Variants in CASP2 observed in about 807,000 individuals in gnomAD.
The protein encoded by CASP2 is caspase 2, also known as caspase-2.
CASP2 carries 38 observed loss-of-function variants against 54.4 expected under a neutral mutation model. The observed-to-expected ratio is 0.70, with a 90% CI of 0.54 to 0.92. The LOEUF (loss-of-function observed/expected upper bound fraction) is 0.92, where lower values mean the gene tolerates loss of function less well. Ranked by LOEUF, CASP2 falls within the 40% of genes least tolerant of loss-of-function variation. The pLI is 0.00. For missense variants in CASP2, 512 were observed against 579.6 expected (o/e 0.88, Z 1.20); for synonymous variants, 215 against 216.3 (o/e 0.99, Z 0.05).
Position 143,292,651 on chromosome 7 carries a change from C to T in CASP2, c.428C>T (p.Pro143Leu), listed in dbSNP as rs748806751. The change falls in exon 4 of 11, where the codon CCG becomes CTG. Residue 143 changes from proline (P) to leucine (L), a missense_variant. Pro to Leu is a moderately conservative substitution (Grantham distance 98). Coordinates refer to ENST00000310447, the MANE Select transcript of CASP2 (RefSeq NM_032982.4). ...GACTACGACTTGAGTCTCCCTTTTC[C>T]GGTGTGTGAGTCCTGTCCCCTTTAC... Reference protein sequence around the residue: ...SCDYDLSLPFPVCESCPLYKK... With the variant: ...SCDYDLSLPFLVCESCPLYKK... 6 of 1,613,454 alleles carry T rather than the reference C, an allele frequency of 3.7e-6. No homozygotes were observed. The highest frequency in any genetic ancestry group is 4.2e-6 in the Non-Finnish European group (5 of 1,180,006).
chr7:143,300,363 C>G, intron 8 of CASP2, 69 bp downstream of exon 8: 1 of 1,605,128 alleles, frequency 6.2e-7, no homozygotes, highest in Non-Finnish European at 8.5e-7. Flanking sequence ...TCTCACTTTC[C>G]TGTTTGCTCC....
chr7:143,305,352 C>T lies in CASP2; in HGVS notation c.*281C>T. 1.9e-6 allele frequency: 1 copy of T among 529,222 alleles called. No individual in the cohort carries two copies. The highest frequency in any genetic ancestry group is 3.4e-6 in the Non-Finnish European group (1 of 291,444). 32.8% of individuals were successfully genotyped at this position (529,222 alleles called of 1,614,324 possible). On this transcript the variant is annotated 3_prime_UTR_variant, in exon 11 of 11. Coordinates refer to ENST00000310447, the MANE Select transcript of CASP2 (RefSeq NM_032982.4). ...AGAGCCTGACAAGTGAAGTTGTAAA[C>T]ACAGTGTGGTTATGGGGAGAGGGCA...
intron 1 of CASP2, among the ~76,000 whole-genome samples, chr7:143,288,889 C>T (rs974703630): frequency 5.9e-5 from 9 of 152,258 alleles, no homozygotes; most frequent in Non-Finnish European, 8.8e-5. Context: ...AAAGACCATA[C>T]TCTGTCTCCT....
intron 6 of CASP2, among the ~76,000 whole-genome samples, chr7:143,297,902 CTAT>C (rs1295093429): frequency 1.3e-5 from 2 of 152,174 alleles, no homozygotes; most frequent in Non-Finnish European, 2.9e-5. Context: ...CTTAAGATTT[CTAT>C]TATTATGGTT....
chr7:143,292,782 G>A (rs1407073843), intron 4 of CASP2, 84 bp downstream of exon 4: 21 of 1,105,824 alleles, frequency 1.9e-5, no homozygotes, highest in African/African-American at 4.6e-5. Flanking sequence ...GGGCCAAGGC[G>A]GGTGGATCAC....
chr7:143,304,055 T>C (rs1258542793), intron 9 of CASP2, 122 bp downstream of exon 9: 1 of 1,006,272 alleles, frequency 9.9e-7, no homozygotes, highest in African/African-American at 1.6e-5. Context: ...GTGTTTCAGA[T>C]TTTGGATTTT....
At chr7:143,300,522 C>T in intron 8 of CASP2, 2 of 1,569,222 alleles carry the variant, frequency 1.3e-6, no homozygotes, top group South Asian at 2.3e-5. Context: ...CGTGCACCAC[C>T]ATATCCTGTT....
At chr7:143,288,649 C>T (rs1247014322) in intron 1 of CASP2, 120 bp downstream of exon 1, 3 of 970,802 alleles carry the variant, frequency 3.1e-6, no homozygotes, top group South Asian at 1.5e-5. Context: ...CGTGTCCGCG[C>T]TTCCTGCCAA....
chr7:143,297,844 C>A (rs1801802666), intron 6 of CASP2, among the ~76,000 whole-genome samples: 1 of 152,336 alleles, frequency 6.6e-6, no homozygotes, highest in Non-Finnish European at 1.5e-5. Flanking sequence ...TATGTATTCT[C>A]TTGAAATTAT....
chr7:143,299,138 A>T (rs575202349), intron 6 of CASP2, among the ~76,000 whole-genome samples: 2 of 151,766 alleles, frequency 1.3e-5, no homozygotes, highest in East Asian at 1.9e-4. Flanking sequence ...TTTTTTTTTT[A>T]AAGATGGAGT....
chr7:143,303,102 A>T (rs1801962066), intron 8 of CASP2: 1 of 151,502 alleles, frequency 6.6e-6, no homozygotes, highest in Non-Finnish European at 1.5e-5. Context: ...CATCTCTATT[A>T]AAAAAAGAAA....
intron 9 of CASP2, among the ~76,000 whole-genome samples, chr7:143,304,242 C>CT (rs1458856418): frequency 3.3e-5 from 5 of 152,224 alleles, no homozygotes; most frequent in Admixed American, 2.6e-4. Flanking sequence ...TGCTCAGCTG[C>CT]TTTTTACAAA....
intron 6 of CASP2, among the ~76,000 whole-genome samples, chr7:143,296,308 T>TG (rs1242938672): frequency 1.3e-5 from 2 of 152,204 alleles, no homozygotes; most frequent in Non-Finnish European, 2.9e-5. Flanking sequence ...CACCTTATAA[T>TG]GGGGGACTAT....
chr7:143,294,310 A>C lies in CASP2; in HGVS notation c.556A>C (p.Thr186Pro). 6.2e-7 allele frequency: 1 copy of C among 1,607,672 alleles called. No homozygotes were observed. Among genetic ancestry groups the C allele is most frequent in the Non-Finnish European group, 8.5e-7 (1 of 1,174,222 alleles). The change falls in exon 5 of 11, where the codon ACA becomes CCA. Residue 186 changes from threonine (T) to proline (P), a missense_variant. Thr to Pro is a conservative substitution (Grantham distance 38, BLOSUM62 -1). This residue lies in a region of CASP2 where 417 missense variants were observed against 495.4 expected (regional missense o/e 0.84). Coordinates refer to ENST00000310447, the MANE Select transcript of CASP2 (RefSeq NM_032982.4). The part of the protein sequence containing the change: ...VKPCTPEFYQ[T>P]HFQLAYRLQS... ...GCCTTGCACTCCTGAATTTTATCAA[A>C]CACACTTCCAGCTGGTGAGTTTTTG...
At chr7:143,294,439 G>A in intron 5 of CASP2, 115 bp downstream of exon 5, 1 of 1,032,824 alleles carries the variant, frequency 9.7e-7, no homozygotes, top group Non-Finnish European at 1.5e-6. Flanking sequence ...TCAGAAAGTT[G>A]TTACTGGTTA....
At chr7:143,293,714 C>T (rs1801657977) in intron 4 of CASP2, among the ~76,000 whole-genome samples, 1 of 151,482 alleles carries the variant, frequency 6.6e-6, no homozygotes, top group African/African-American at 2.4e-5. Flanking sequence ...GTTTCACCAT[C>T]TCCTGACCTC....
At chr7:143,300,143 T>TA in intron 7 of CASP2, 61 bp from the exon 8 acceptor site, 1 of 1,611,282 alleles carries the variant, frequency 6.2e-7, no homozygotes, top group East Asian at 2.2e-5. Context: ...GTTGCATGTG[T>TA]AGGACTTAGG....
intron 9 of CASP2, among the ~76,000 whole-genome samples, chr7:143,304,430 T>C (rs1256237992): frequency 6.6e-6 from 1 of 152,234 alleles, no homozygotes; most frequent in Non-Finnish European, 1.5e-5. Context: ...CCGTATACAC[T>C]GGGAGACCTG....
intron 4 of CASP2, chr7:143,293,154 G>A (rs1801636522): frequency 1.5e-6 from 1 of 656,558 alleles, no homozygotes; most frequent in Non-Finnish European, 2.7e-6. Context: ...CAGAAATAGG[G>A]TCTTGTTCTG....
Sources: gnomAD v4.1 joint callset for allele counts (sites outside exome capture counted in the v4.1 genomes callset) on GRCh38, gnomAD v4.1.1 for gene constraint, gnomAD v4.1.1 regional missense constraint, MANE v1.5 for transcripts, NCBI Gene and HGNC (gene_info 2026-07-23, HGNC 2026-07-21) for gene names.